The following PCDHAC1 variants were observed in gnomAD, a reference collection of about 807,000 sequenced individuals.
PCDHAC1 encodes the protein protocadherin alpha subfamily C, 1, also known as protocadherin alpha-C1.
A neutral mutation model predicts 60.0 loss-of-function variants in PCDHAC1; 42 were observed. The observed-to-expected ratio is 0.70, with a 90% CI of 0.55 to 0.90. The LOEUF (loss-of-function observed/expected upper bound fraction) is 0.90. Ranked by LOEUF, PCDHAC1 falls within the 40% of genes least tolerant of loss-of-function variation. PCDHAC1 has a pLI of 0.00. For synonymous variants in PCDHAC1, 468 were observed against 499.3 expected, an observed-to-expected ratio of 0.94 and a Z score of 0.84; for missense variants, 1,160 against 1,222.3, an observed-to-expected ratio of 0.95 and a Z score of 0.76.
At chr5:140,971,630 C>A (rs1281130153) in intron 1 of PCDHAC1, among the ~76,000 whole-genome samples, 1 of 151,972 alleles carries the variant, frequency 6.6e-6, no homozygotes, top group Non-Finnish European at 1.5e-5. Context: ...ACAATTAGTA[C>A]CATGTGCCTA....
At chr5:140,956,331 C>T (rs1554222358) in intron 1 of PCDHAC1, among the ~76,000 whole-genome samples, 1 of 152,064 alleles carries the variant, frequency 6.6e-6, no homozygotes, top group Non-Finnish European at 1.5e-5. Flanking sequence ...TCCTTCAATA[C>T]CTAGTTTATT....
intron 1 of PCDHAC1, among the ~76,000 whole-genome samples, chr5:140,953,003 A>G (rs2094831963): frequency 6.6e-6 from 1 of 152,190 alleles, no homozygotes; most frequent in Non-Finnish European, 1.5e-5. Context: ...CTCTCTCACT[A>G]TTATGAGAAC....
intron 1 of PCDHAC1, among the ~76,000 whole-genome samples, chr5:140,950,799 G>C (rs1218789077): frequency 5.3e-5 from 8 of 151,796 alleles, no homozygotes; most frequent in African/African-American, 1.7e-4. Flanking sequence ...ATATTGTCTG[G>C]TTTTACCATA....
chr5:140,985,139 G>A (rs782548607), intron 3 of PCDHAC1, among the ~76,000 whole-genome samples: 6 of 152,126 alleles, frequency 3.9e-5, no homozygotes, highest in South Asian at 2.1e-4. Flanking sequence ...GGGTTTCACC[G>A]TGTTAGCCAG....
intron 1 of PCDHAC1, chr5:140,966,981 TG>T (rs2096079365): frequency 1.2e-6 from 2 of 1,603,254 alleles, no homozygotes; most frequent in African/African-American, 2.7e-5. Flanking sequence ...CTGCGGCGCT[TG>T]GGGCCGGGTT....
At chr5:140,964,567 A>G (rs2095840776) in intron 1 of PCDHAC1, among the ~76,000 whole-genome samples, 1 of 152,080 alleles carries the variant, frequency 6.6e-6, no homozygotes. Context: ...GGCTGGGAGG[A>G]GATAAGGGGA....
intron 1 of PCDHAC1, chr5:140,967,749 C>A (rs1554229896): frequency 1.2e-6 from 2 of 1,614,172 alleles, no homozygotes; most frequent in Non-Finnish European, 1.7e-6. Context: ...TATGAGGAAG[C>A]CTCCTCCTAC....
chr5:140,974,302 C>G (rs782329639), intron 1 of PCDHAC1, among the ~76,000 whole-genome samples: 1 of 152,176 alleles, frequency 6.6e-6, no homozygotes, highest in Non-Finnish European at 1.5e-5. Flanking sequence ...GGAGGTACAA[C>G]TGTGAGTGAG....
intron 1 of PCDHAC1, chr5:140,968,752 C>T: frequency 6.2e-7 from 1 of 1,614,094 alleles, no homozygotes; most frequent in Non-Finnish European, 8.5e-7. Context: ...CCGTGGTGGT[C>T]CGAGATAATG....
intron 3 of PCDHAC1, among the ~76,000 whole-genome samples, chr5:141,005,688 C>T (rs1411519222): frequency 2.8e-5 from 3 of 107,694 alleles, no homozygotes; most frequent in African/African-American, 7.9e-5. Context: ...GGCGACAGAG[C>T]GAAACTCCGT....
At chr5:140,945,369 A>T (rs2153669585) in intron 1 of PCDHAC1, among the ~76,000 whole-genome samples, 1 of 152,234 alleles carries the variant, frequency 6.6e-6, no homozygotes, top group African/African-American at 2.4e-5. Flanking sequence ...TAAAATGTCC[A>T]TATTACCCAA....
chr5:141,006,931 G>A (rs1268492539), intron 3 of PCDHAC1, among the ~76,000 whole-genome samples: 1 of 152,158 alleles, frequency 6.6e-6, no homozygotes, highest in African/African-American at 2.4e-5. Flanking sequence ...ATTTCCAACT[G>A]GGGATACCAG....
In PCDHAC1 at chr5:140,982,553, T is replaced by A. The variant is rs782605920; in HGVS notation, c.2571T>A (p.Ser857Arg). The A allele has an allele frequency of 1.9e-5, 30 of 1,614,054 alleles. No homozygotes were observed. In the South Asian group the frequency reaches 3.2e-4, roughly 17 times the overall value. ...GPDQQWPTVS[S>R]ATPEPEAGEV... ...ATCAGCAGTGGCCAACAGTATCCAG[T>A]GCAACACCAGGTAAAGAGCTGGGGT... The change falls in exon 3 of 4, where the codon AGT (serine) becomes AGA (arginine). Residue 857 changes from serine (S) to arginine (R), a missense_variant. Transcript: ENST00000253807.
In PCDHAC1 at chr5:140,961,268, T is replaced by C. The variant is rs116524101; in HGVS notation, c.2434-17681T>C. Reference sequence around the variant, plus strand: ...TATCCGAAGCTCCAGGAAGCTTCTTTTTACCATGGCTCTGTTTCTTGAGGT... The same window carrying C: ...TATCCGAAGCTCCAGGAAGCTTCTTCTTACCATGGCTCTGTTTCTTGAGGT... On this transcript the variant is annotated intron_variant, in intron 1 of 3. Coordinates refer to ENST00000253807, the MANE Select transcript of PCDHAC1 (RefSeq NM_018898.5). Among the ~76,000 whole-genome samples the C allele has an allele frequency of 5.5e-3, 833 of 152,318 alleles. 9 individuals carry two copies. The highest frequency in any genetic ancestry group is 0.019 in the African/African-American group (777 of 41,562).
chr5:140,953,099 G>A lies in PCDHAC1; in HGVS notation c.2433+23774G>A, dbSNP rs1554220803. On this transcript the variant is annotated intron_variant, in intron 1 of 3. Transcript: ENST00000253807. ...CATTGGGGATTACAATTTGACATGA[G>A]ATTTGGGCAGGGACACAGATCTAAA... Among the ~76,000 whole-genome samples, 7 of 152,256 alleles carry A rather than the reference G, an allele frequency of 4.6e-5. 1 individual carries two copies. Among genetic ancestry groups the A allele is most frequent in the South Asian group, 2.1e-4 (1 of 4,828 alleles).
chr5:140,929,155 C>G lies in PCDHAC1; in HGVS notation c.2263C>G (p.Leu755Val). Residue 755 changes from leucine (L) to valine (V), a missense_variant, in exon 1 of 4, where the codon CTC (leucine) becomes GTC (valine). Transcript: ENST00000253807. ...TTVERLSQTY[L>V]YRASLGLGSD... ...AGTTGAGAGACTTTCTCAGACTTATCTCTATCGGGCCTCTCTGGGACTTGG... is the reference window on the plus strand; with the variant it reads ...AGTTGAGAGACTTTCTCAGACTTATGTCTATCGGGCCTCTCTGGGACTTGG... 6.2e-7 allele frequency: 1 copy of G among 1,614,156 alleles called. No individual in the cohort carries two copies. The highest frequency in any genetic ancestry group is 8.5e-7 in the Non-Finnish European group (1 of 1,180,030).
intron 1 of PCDHAC1, among the ~76,000 whole-genome samples, chr5:140,941,460 C>T (rs530075226): frequency 4.6e-4 from 69 of 151,184 alleles, no homozygotes; most frequent in African/African-American, 1.6e-3. Context: ...GGATTACAGG[C>T]GCCCACCACC....
In PCDHAC1 at chr5:141,010,093, T is replaced by A. The variant is rs2098416026; in HGVS notation, c.*156T>A. On this transcript the variant is annotated 3_prime_UTR_variant, in exon 4 of 4. Transcript: ENST00000253807. The stretch of plus-strand genomic sequence containing the variant: ...TTCCCTGTGTCTGTCTAGAACGCAT[T>A]TAACAGGTTTTGTCGTAAAAGCTTT... 4 of 1,612,692 alleles carry A rather than the reference T, an allele frequency of 2.5e-6. No homozygotes were observed. Among genetic ancestry groups the A allele is most frequent in the Non-Finnish European group, 3.4e-6 (4 of 1,179,392 alleles).
chr5:140,996,341 C>T (rs1554255109), intron 3 of PCDHAC1, among the ~76,000 whole-genome samples: 2 of 152,160 alleles, frequency 1.3e-5, no homozygotes, highest in African/African-American at 4.8e-5. Context: ...AGTTTGAAAA[C>T]CCAACCAAAG....
Sources: gnomAD v4.1 joint callset for allele counts (sites outside exome capture counted in the v4.1 genomes callset) on GRCh38, gnomAD v4.1.1 for gene constraint, MANE v1.5 for transcripts, NCBI Gene and HGNC (gene_info 2026-07-23, HGNC 2026-07-21) for gene names.